Variants in RNF182 observed in about 807,000 individuals in gnomAD.
The protein encoded by RNF182 is E3 ubiquitin-protein ligase RNF182.
A neutral mutation model predicts 14.4 loss-of-function variants in RNF182; 15 were observed. The observed-to-expected ratio is 1.04, with a 90% CI of 0.70 to 1.60. The LOEUF is 1.60. Among genes scored for constraint, RNF182 ranks in the 40% most tolerant of loss-of-function variants. RNF182 has a pLI of 0.00. For synonymous variants in RNF182, 128 were observed against 122.9 expected (o/e 1.04, Z -0.27); for missense variants, 268 against 294.8 (o/e 0.91, Z 0.67).
At chr6:13,937,270 C>A (rs1291200611) in intron 1 of RNF182, among the ~76,000 whole-genome samples, 4 of 152,142 alleles carry the variant, frequency 2.6e-5, no homozygotes, top group African/African-American at 9.7e-5. Flanking sequence ...CTACTCACAT[C>A]AAAAAATAGA....
At chr6:13,970,499 A>G (rs1760148629) in intron 1 of RNF182, among the ~76,000 whole-genome samples, 1 of 152,236 alleles carries the variant, frequency 6.6e-6, no homozygotes. Context: ...TGATGGGCAC[A>G]TAGCTTGATT....
Position 13,979,691 on chromosome 6 carries a change from G to A in RNF182, c.*1828G>A, listed in dbSNP as rs41267692. 1 of 166,732 alleles carries A rather than the reference G, an allele frequency of 6.0e-6. No homozygotes were observed. Among genetic ancestry groups the A allele is most frequent in the Non-Finnish European group, 1.5e-5 (1 of 68,064 alleles). 10.3% of individuals were successfully genotyped at this position (166,732 alleles called of 1,614,324 possible). On this transcript the variant is annotated 3_prime_UTR_variant, in exon 3 of 3. Coordinates refer to ENST00000488300, the MANE Select transcript of RNF182 (RefSeq NM_152737.4). ...GTGGTTTGGATTTATATATTTGTAA[G>A]GTTTTTTTAAAAAAATGTTCGTTTT...
chr6:13,951,500 A>G (rs919223786), intron 1 of RNF182, among the ~76,000 whole-genome samples: 2 of 152,202 alleles, frequency 1.3e-5, no homozygotes, highest in Non-Finnish European at 2.9e-5. Context: ...GTGTGCCAAG[A>G]GCAGAGTATT....
intron 1 of RNF182, among the ~76,000 whole-genome samples, chr6:13,966,517 C>A (rs2113637777): frequency 6.6e-6 from 1 of 152,294 alleles, no homozygotes; most frequent in African/African-American, 2.4e-5. Context: ...AATCCCAGCA[C>A]TTTGGGAGGC....
rs1374543311 is a variant in RNF182 at position 13,979,966 on chromosome 6, T to C, written c.*2103T>C. ...TGCTTTAATATTTTATTCACTGTGA[T>C]ACTATTTTGTTTGTCTATTAAATTG... is the stretch of plus-strand genomic sequence containing the variant. On this transcript the variant is annotated 3_prime_UTR_variant, in exon 3 of 3. Transcript: ENST00000488300. 1 of 166,580 alleles carries C rather than the reference T, an allele frequency of 6.0e-6. No homozygotes were observed. The highest frequency in any genetic ancestry group is 2.4e-5 in the African/African-American group (1 of 41,466). The allele number at this position is 166,580 out of a possible 1,614,324, so 10.3% of individuals were successfully genotyped here. A position where few individuals can be genotyped will look rare whatever the true frequency, so the allele number is the denominator to read the frequency against.
At chr6:13,976,608 A>G (rs1760331846) in intron 2 of RNF182, among the ~76,000 whole-genome samples, 1 of 152,198 alleles carries the variant, frequency 6.6e-6, no homozygotes, top group South Asian at 2.1e-4. Context: ...TCAGAGTGAA[A>G]ATCTCTTGTA....
chr6:13,973,599 C>T (rs1760249129), intron 1 of RNF182, among the ~76,000 whole-genome samples: 2 of 152,152 alleles, frequency 1.3e-5, no homozygotes, highest in African/African-American at 4.8e-5. Flanking sequence ...TAAGGGGTTT[C>T]CCATTTTGCT....
chr6:13,975,640 A>G (rs1204278695), intron 2 of RNF182, among the ~76,000 whole-genome samples: 2 of 152,194 alleles, frequency 1.3e-5, no homozygotes. Flanking sequence ...TAATAAGTCA[A>G]CTATTCATGA....
intron 1 of RNF182, among the ~76,000 whole-genome samples, chr6:13,950,099 A>C (rs1759550078): frequency 1.3e-5 from 2 of 152,372 alleles, no homozygotes; most frequent in South Asian, 4.1e-4. Flanking sequence ...TTTTACAAAA[A>C]ATACATTCTA....
chr6:13,941,780 G>C (rs184429116), intron 1 of RNF182, among the ~76,000 whole-genome samples: 5 of 151,934 alleles, frequency 3.3e-5, no homozygotes, highest in Admixed American at 3.3e-4. Context: ...TAATCCTTCC[G>C]TGATGGTGTA....
intron 1 of RNF182, among the ~76,000 whole-genome samples, chr6:13,968,629 T>C (rs945758530): frequency 6.6e-6 from 1 of 152,180 alleles, no homozygotes; most frequent in Non-Finnish European, 1.5e-5. Context: ...TCAGTACAGA[T>C]GTAAAGTTTC....
rs1760421183 is a variant in RNF182 at position 13,978,894 on chromosome 6, G to T, written c.*1031G>T. 6.0e-6 allele frequency: 1 copy of T among 167,052 alleles called. No individual in the cohort carries two copies. The highest frequency in any genetic ancestry group is 2.4e-5 in the African/African-American group (1 of 41,448). The allele number at this position is 167,052 out of a possible 1,614,324, so 10.3% of individuals were successfully genotyped here. Reference sequence around the variant, plus strand: ...GATGCTTCAGCTCACAGTTTGAAGTGCTGAGAACCTAAGTATTTTGCTGTA... The same window carrying T: ...GATGCTTCAGCTCACAGTTTGAAGTTCTGAGAACCTAAGTATTTTGCTGTA... On this transcript the variant is annotated 3_prime_UTR_variant, in exon 3 of 3. Coordinates refer to ENST00000488300, the MANE Select transcript of RNF182 (RefSeq NM_152737.4).
intron 1 of RNF182, among the ~76,000 whole-genome samples, chr6:13,971,441 G>A (rs1264026652): frequency 6.6e-6 from 1 of 152,056 alleles, no homozygotes; most frequent in Non-Finnish European, 1.5e-5. Context: ...AAATTACTTA[G>A]TCTTGGGTAT....
chr6:13,953,869 G>A (rs1473379471), intron 1 of RNF182, among the ~76,000 whole-genome samples: 2 of 152,078 alleles, frequency 1.3e-5, no homozygotes, highest in East Asian at 3.9e-4. Context: ...CCTAGCCCAG[G>A]GCTTATGCTG....
chr6:13,962,730 G>T (rs142783131), intron 1 of RNF182, among the ~76,000 whole-genome samples: 230 of 152,330 alleles, frequency 1.5e-3, no homozygotes, highest in African/African-American at 5.0e-3. Context: ...TTGGAAATGA[G>T]AGTTGAAATT....
At chr6:13,944,658 C>T (rs191261071) in intron 1 of RNF182, among the ~76,000 whole-genome samples, 42 of 152,280 alleles carry the variant, frequency 2.8e-4, no homozygotes, top group Non-Finnish European at 3.4e-4. Flanking sequence ...TGAGAAAGAA[C>T]GAATGTTTAG....
intron 1 of RNF182, among the ~76,000 whole-genome samples, chr6:13,962,682 T>C (rs1345511692): frequency 6.6e-6 from 1 of 152,224 alleles, no homozygotes; most frequent in Non-Finnish European, 1.5e-5. Context: ...TAGAAAGCAG[T>C]GTTTACAACA....
At chr6:13,959,707 TGA>T (rs1488607936) in intron 1 of RNF182, among the ~76,000 whole-genome samples, 1 of 152,182 alleles carries the variant, frequency 6.6e-6, no homozygotes, top group Non-Finnish European at 1.5e-5. Context: ...TTTGAAAAAC[TGA>T]GAGAATGGTG....
At chr6:13,937,514 C>G (rs577642423) in intron 1 of RNF182, among the ~76,000 whole-genome samples, 3 of 152,150 alleles carry the variant, frequency 2.0e-5, no homozygotes, top group African/African-American at 7.2e-5. Context: ...TTTTGTCTCT[C>G]TCATTTTGGT....
Sources: gnomAD v4.1 joint callset for allele counts (sites outside exome capture counted in the v4.1 genomes callset) on GRCh38, gnomAD v4.1.1 for gene constraint, MANE v1.5 for transcripts, NCBI Gene and HGNC (gene_info 2026-07-23, HGNC 2026-07-21) for gene names.